Variants in TRIM6 observed in about 807,000 individuals in gnomAD.
The protein encoded by TRIM6 is tripartite motif-containing protein 6.
In TRIM6, 43 loss-of-function variants were observed where a neutral mutation model predicts 51.2. That is an observed-to-expected ratio of 0.84 (90% CI 0.66 to 1.08). The LOEUF is 1.08. Ranked by LOEUF, TRIM6 falls within the 50% of genes least tolerant of loss-of-function variation. TRIM6 has a pLI of 0.00. For synonymous variants in TRIM6, 215 were observed against 232.4 expected (o/e 0.93, Z 0.68); for missense variants, 669 against 619.0 (o/e 1.08, Z -0.86).
rs1848018807 is a variant in TRIM6 at position 5,603,734 on chromosome 11, A to G, written c.506A>G (p.Gln169Arg). ...FLVEEVAQEY[Q>R]EKFQESLKKL... ...GTGGAGGAGGTTGCCCAGGAGTACCAGGTGAGACCCCAGGATGGAATGGGA... is the reference window on the plus strand; with the variant it reads ...GTGGAGGAGGTTGCCCAGGAGTACCGGGTGAGACCCCAGGATGGAATGGGA... Residue 169 changes from glutamine (Q) to arginine (R), a missense_variant and splice_region_variant, in exon 2 of 8, where the codon CAG (glutamine) becomes CGG (arginine). By Grantham distance (43) the Gln-to-Arg change is conservative. Coordinates refer to ENST00000380097, the MANE Select transcript of TRIM6 (RefSeq NM_001003818.3). The G allele has an allele frequency of 2.5e-6, 4 of 1,613,196 alleles. No individual in the cohort carries two copies. Among genetic ancestry groups the G allele is most frequent in the African/African-American group, 2.7e-5 (2 of 74,910 alleles).
rs1467742440 is a variant in TRIM6, at chr11:5,608,283, A to G, written c.835-89A>G. On this transcript the variant is annotated intron_variant, in intron 4 of 7. Transcript: ENST00000380097. The stretch of plus-strand genomic sequence containing the variant: ...CATTAGGATTATCTTTATTTGTATC[A>G]TATCATGGGGTAGGGGACATGGAAG... 6 of 1,569,442 alleles carry G rather than the reference A, an allele frequency of 3.8e-6. No homozygotes were observed. The Admixed American group carries it at 5.4e-5, about 14-fold the overall frequency.
At chr11:5,610,090 G>T in intron 5 of TRIM6, 55 bp from the exon 6 acceptor site, 2 of 1,588,180 alleles carry the variant, frequency 1.3e-6, no homozygotes, top group Non-Finnish European at 1.7e-6. Flanking sequence ...GGAGATGGGT[G>T]GTGGAGGAAC....
At chr11:5,599,666 G>A (rs1364135110) in intron 1 of TRIM6, among the ~76,000 whole-genome samples, 1 of 152,118 alleles carries the variant, frequency 6.6e-6, no homozygotes, top group Non-Finnish European at 1.5e-5. Context: ...GCCTCCCAAA[G>A]TGCTGGGATT....
intron 1 of TRIM6, among the ~76,000 whole-genome samples, chr11:5,601,627 G>A (rs968850708): frequency 1.3e-5 from 2 of 152,054 alleles, no homozygotes; most frequent in Admixed American, 6.5e-5. Flanking sequence ...GCATGGTGGC[G>A]CTCACCTGTA....
chr11:5,606,943 C>T (rs1386609175), intron 4 of TRIM6, among the ~76,000 whole-genome samples: 3 of 152,212 alleles, frequency 2.0e-5, no homozygotes, highest in African/African-American at 7.2e-5. Context: ...GTGGCTCACG[C>T]CTGTAATCCC....
Position 5,603,370 on chromosome 11 carries a change from G to C in TRIM6, c.142G>C (p.Glu48Gln), listed in dbSNP as rs775368785. 1.2e-6 allele frequency: 2 copies of C among 1,614,050 alleles called. No homozygotes were observed. The highest frequency in any genetic ancestry group is 3.3e-5 in the Admixed American group (2 of 60,016). Residue 48 changes from glutamate to glutamine, a missense_variant, in exon 2 of 8, where the codon GAG (glutamate) becomes CAG (glutamine). Transcript: ENST00000380097. ...REEVTCPICL[E>Q]LLTEPLSIDC... is the part of the protein sequence containing the mutation. The stretch of plus-strand genomic sequence containing the variant: ...AGAGGTGACCTGCCCTATCTGCCTG[G>C]AGCTCCTAACAGAACCCCTGAGCAT...
At chr11:5,610,048 A>T (rs1465773529) in intron 5 of TRIM6, 97 bp from the exon 6 acceptor site, 1 of 1,265,254 alleles carries the variant, frequency 7.9e-7, no homozygotes, top group East Asian at 2.3e-5. Flanking sequence ...AGAAAGGAGG[A>T]TTGGAATTCA....
At chr11:5,600,745 C>T (rs1381221715) in intron 1 of TRIM6, among the ~76,000 whole-genome samples, 2 of 152,064 alleles carry the variant, frequency 1.3e-5, no homozygotes, top group African/African-American at 4.8e-5. Context: ...CAGCCAAAGA[C>T]AAGTTAGAGA....
At chr11:5,598,346 C>A (rs1398421895) in intron 1 of TRIM6, among the ~76,000 whole-genome samples, 2 of 152,084 alleles carry the variant, frequency 1.3e-5, no homozygotes, top group South Asian at 2.1e-4. Context: ...TGACAAGAGA[C>A]CTCAACTCTT....
At position 5,596,789 on chromosome 11, in the gene TRIM6, A is replaced by G; in HGVS notation, c.-109A>G. 1 of 1,563,678 alleles carries G rather than the reference A, an allele frequency of 6.4e-7. No homozygotes were observed. The highest frequency in any genetic ancestry group is 1.1e-5 in the South Asian group (1 of 89,836). ...GTTGAGTTTAGATAAAAGCCGAGTGAGCGCGCTCTGTTCCTTAAGATTAGT... is the reference window on the plus strand; with the variant it reads ...GTTGAGTTTAGATAAAAGCCGAGTGGGCGCGCTCTGTTCCTTAAGATTAGT... On this transcript the variant is annotated 5_prime_UTR_variant, in exon 1 of 8. Coordinates refer to ENST00000380097, the MANE Select transcript of TRIM6 (RefSeq NM_001003818.3).
intron 5 of TRIM6, 147 bp downstream of exon 5, chr11:5,608,541 C>A: frequency 7.6e-7 from 1 of 1,323,618 alleles, no homozygotes; most frequent in South Asian, 1.5e-5. Context: ...TTTTGGCATC[C>A]CCAAATAAAG....
At position 5,603,657 on chromosome 11, in the gene TRIM6, T is replaced by C. The variant is rs751773025; in HGVS notation, c.429T>C (p.Ile143=). The C allele has an allele frequency of 4.3e-6, 7 of 1,613,328 alleles. 1 individual carries two copies. The South Asian group carries it at 7.7e-5, about 18-fold the overall frequency. Residue 143 remains isoleucine, a synonymous_variant, in exon 2 of 8, where the codon ATT becomes ATC. Coordinates refer to ENST00000380097, the MANE Select transcript of TRIM6 (RefSeq NM_001003818.3). ...QLFCQEDGKV[I]CWLCERSQEH... is the part of the protein sequence containing the mutation. ...TCTGTCAGGAGGATGGGAAGGTCAT[T>C]TGCTGGCTTTGTGAGCGGTCTCAGG...
chr11:5,598,373 C>A (rs1847606405), intron 1 of TRIM6, among the ~76,000 whole-genome samples: 1 of 152,076 alleles, frequency 6.6e-6, no homozygotes, highest in Non-Finnish European at 1.5e-5. Context: ...CTTTTTTCTG[C>A]TCAAGAATTT....
Position 5,611,055 on chromosome 11 carries a change from A to G in TRIM6, c.1264A>G (p.Arg422Gly). 1 of 1,614,208 alleles carries G rather than the reference A, an allele frequency of 6.2e-7. No homozygotes were observed. The highest frequency in any genetic ancestry group is 1.1e-5 in the South Asian group (1 of 91,074). The change falls in exon 8 of 8, where the codon AGG (arginine) becomes GGG (glycine). Residue 422 changes from arginine (R) to glycine (G), a missense_variant. Transcript: ENST00000380097. ...TGCTCAAAATCACAGTGCTTACTCC[A>G]GGTATCAGCCTCAGAGTGGATACTG... ...HFAQNHSAYS[R>G]YQPQSGYWVI...
rs1848604879 is a variant in TRIM6 at position 5,612,207 on chromosome 11, A to G, written c.*865A>G. The stretch of plus-strand genomic sequence containing the variant: ...TGGCCTGTATTTTTACATTCTTGTA[A>G]TATCTTTGCCAGGTTCTATAAAATG... On this transcript the variant is annotated 3_prime_UTR_variant, in exon 8 of 8. Coordinates refer to ENST00000380097, the MANE Select transcript of TRIM6 (RefSeq NM_001003818.3). 6.6e-6 allele frequency: 1 copy of G among 152,190 alleles called. No homozygotes were observed. The highest frequency in any genetic ancestry group is 1.5e-5 in the Non-Finnish European group (1 of 68,034). The allele number at this position is 152,190 out of a possible 1,614,324, so 9.4% of individuals were successfully genotyped here. A position where few individuals can be genotyped will look rare whatever the true frequency, so the allele number is the denominator to read the frequency against.
chr11:5,601,936 G>A (rs898759442), intron 1 of TRIM6, among the ~76,000 whole-genome samples: 1 of 152,138 alleles, frequency 6.6e-6, no homozygotes, highest in Non-Finnish European at 1.5e-5. Context: ...TGATGGCAGA[G>A]AGGTGAAAGA....
At chr11:5,608,865 T>A (rs1432686943) in intron 5 of TRIM6, among the ~76,000 whole-genome samples, 1 of 147,874 alleles carries the variant, frequency 6.8e-6, no homozygotes, top group Non-Finnish European at 1.5e-5. Context: ...TTTTTTTTTT[T>A]TTTGAGACAG....
chr11:5,605,643 A>G lies in TRIM6; in HGVS notation c.834+76A>G, dbSNP rs1234793197. 4.7e-6 allele frequency: 7 copies of G among 1,487,648 alleles called. No homozygotes were observed. The East Asian group carries it at 1.4e-4, about 31-fold the overall frequency. 92.2% of individuals were successfully genotyped at this position (1,487,648 alleles called of 1,614,324 possible). On this transcript the variant is annotated intron_variant, in intron 4 of 7. Transcript: ENST00000380097. ...AACTTTCCTTCCTTTCTGGGACATC[A>G]GACTACCATCGTTGCAGGGACAAGA... is the stretch of plus-strand genomic sequence containing the variant.
Position 5,611,404 on chromosome 11 carries a change from C to T in TRIM6, c.*62C>T. On this transcript the variant is annotated 3_prime_UTR_variant, in exon 8 of 8. Coordinates refer to ENST00000380097, the MANE Select transcript of TRIM6 (RefSeq NM_001003818.3). ...CTGAGGCTTATCAGCATGTGATTCTCCCTTCTGATCTTCTGTTTTTCTGTG... is the reference window on the plus strand; with the variant it reads ...CTGAGGCTTATCAGCATGTGATTCTTCCTTCTGATCTTCTGTTTTTCTGTG... 2 of 1,264,850 alleles carry T rather than the reference C, an allele frequency of 1.6e-6. No individual in the cohort carries two copies. Among genetic ancestry groups the T allele is most frequent in the East Asian group, 2.3e-5 (1 of 42,968 alleles). The allele number at this position is 1,264,850 out of a possible 1,614,324, so 78.4% of individuals were successfully genotyped here. A position where few individuals can be genotyped will look rare whatever the true frequency, so the allele number is the denominator to read the frequency against.
Sources: gnomAD v4.1 joint callset for allele counts (sites outside exome capture counted in the v4.1 genomes callset) on GRCh38, gnomAD v4.1.1 for gene constraint, MANE v1.5 for transcripts, NCBI Gene and HGNC (gene_info 2026-07-23, HGNC 2026-07-21) for gene names.